The following EYA1 variants were observed in gnomAD, a reference collection of about 807,000 sequenced individuals.
EYA1 encodes EYA transcriptional coactivator and phosphatase 1.
EYA1 carries 16 observed loss-of-function variants against 82.0 expected under a neutral mutation model. That is an observed-to-expected ratio of 0.20 (90% CI 0.13 to 0.30). The LOEUF (loss-of-function observed/expected upper bound fraction) is 0.30. EYA1 is among the 10% of genes least tolerant of loss of function. EYA1 has a pLI of 1.00. For synonymous variants in EYA1, 261 were observed against 264.4 expected (o/e 0.99, Z 0.12); for missense variants, 633 against 730.7 (o/e 0.87, Z 1.54).
intron 2 of EYA1, among the ~76,000 whole-genome samples, chr8:71,370,653 A>G (rs1011536972): frequency 2.4e-4 from 37 of 152,070 alleles, no homozygotes; most frequent in Middle Eastern, 3.4e-3. Context: ...GCAGGGTCTC[A>G]CTCTGTCACC....
intron 2 of EYA1, chr8:71,403,417 G>A (rs1018540617): frequency 6.6e-6 from 1 of 152,182 alleles, no homozygotes; most frequent in Admixed American, 6.5e-5. Flanking sequence ...GATGCTGGTG[G>A]AGGTGAAAAA....
intron 2 of EYA1, among the ~76,000 whole-genome samples, chr8:71,526,877 G>A (rs1365659815): frequency 6.6e-6 from 1 of 152,158 alleles, no homozygotes; most frequent in East Asian, 1.9e-4. Flanking sequence ...CTTAAAGGGA[G>A]GAGTATCAAA....
At chr8:71,293,401 CAG>C (rs1819215832) in intron 9 of EYA1, among the ~76,000 whole-genome samples, 1 of 151,960 alleles carries the variant, frequency 6.6e-6, no homozygotes, top group South Asian at 2.1e-4. Context: ...TTCCAGAAAA[CAG>C]AAGCAGAGGG....
rs182773682 is a variant in EYA1 at position 71,338,741 on chromosome 8, G to A, written c.125-4567C>T. Among the ~76,000 whole-genome samples, 304 of 152,336 alleles carry A rather than the reference G, an allele frequency of 2.0e-3. 2 individuals are homozygous for A. Among genetic ancestry groups the A allele is most frequent in the South Asian group, 0.017 (82 of 4,824 alleles). Reference sequence around the variant, plus strand: ...AAAGCAAGTTCACCCACAAAGGACAGTACTGCCTGCTGGACTAGGAGCCAG... The same window carrying A: ...AAAGCAAGTTCACCCACAAAGGACAATACTGCCTGCTGGACTAGGAGCCAG... On this transcript the variant is annotated intron_variant, in intron 3 of 17. Transcript: ENST00000340726.
intron 3 of EYA1, among the ~76,000 whole-genome samples, chr8:71,342,211 G>C (rs1825216058): frequency 6.6e-6 from 1 of 152,054 alleles, no homozygotes. Flanking sequence ...ATATTCAGTG[G>C]CTTCTCTACC....
chr8:71,408,599 A>G (rs371953815), intron 2 of EYA1, among the ~76,000 whole-genome samples: 2 of 92,672 alleles, frequency 2.2e-5, no homozygotes, highest in East Asian at 2.4e-4. Context: ...CAGACTTTAA[A>G]CCAACAAAGA....
chr8:71,232,945 G>C (rs186049645), intron 12 of EYA1, among the ~76,000 whole-genome samples: 6 of 152,240 alleles, frequency 3.9e-5, no homozygotes, highest in Admixed American at 2.6e-4. Flanking sequence ...TTTAACTCAC[G>C]CAATTCTCAC....
chr8:71,412,542 A>T (rs1194400187), intron 2 of EYA1, among the ~76,000 whole-genome samples: 1 of 152,178 alleles, frequency 6.6e-6, no homozygotes, highest in African/African-American at 2.4e-5. Flanking sequence ...GGATAAAATA[A>T]TATGATGTCT....
chr8:71,506,020 T>C, intron 2 of EYA1, among the ~76,000 whole-genome samples: 1 of 152,192 alleles, frequency 6.6e-6, no homozygotes, highest in Non-Finnish European at 1.5e-5. Context: ...AGATGGTACC[T>C]GCTTCCCCTT....
At chr8:71,529,495 T>C (rs1268114061) in intron 2 of EYA1, 1 of 152,184 alleles carries the variant, frequency 6.6e-6, no homozygotes, top group African/African-American at 2.4e-5. Context: ...TGCAAAATGA[T>C]GAGGTAGGAT....
intron 2 of EYA1, among the ~76,000 whole-genome samples, chr8:71,525,011 C>T (rs531169007): frequency 6.6e-6 from 1 of 152,294 alleles, no homozygotes; most frequent in East Asian, 1.9e-4. Flanking sequence ...TATGTTACTA[C>T]ATTGCTTACT....
intron 2 of EYA1, among the ~76,000 whole-genome samples, chr8:71,402,566 C>T (rs1830014771): frequency 6.6e-6 from 1 of 152,054 alleles, no homozygotes; most frequent in African/African-American, 2.4e-5. Flanking sequence ...TAATTCAAAG[C>T]AAAGTGTATT....
intron 2 of EYA1, among the ~76,000 whole-genome samples, chr8:71,444,332 CAG>C (rs1195794840): frequency 2.6e-5 from 4 of 152,266 alleles, no homozygotes; most frequent in African/African-American, 7.2e-5. Flanking sequence ...TGTGGGGACA[CAG>C]ATATAGAAAA....
At chr8:71,242,658 T>C (rs1197508179) in intron 12 of EYA1, among the ~76,000 whole-genome samples, 1 of 152,156 alleles carries the variant, frequency 6.6e-6, no homozygotes, top group Admixed American at 6.5e-5. Context: ...AATCTGATTA[T>C]ACTACATTGA....
intron 17 of EYA1, among the ~76,000 whole-genome samples, chr8:71,201,824 A>G (rs553888065): frequency 6.6e-6 from 1 of 152,154 alleles, no homozygotes; most frequent in African/African-American, 2.4e-5. Context: ...TTAACCACCT[A>G]CTTGGTATCT....
At chr8:71,310,917 T>C (rs1224972279) in intron 7 of EYA1, among the ~76,000 whole-genome samples, 1 of 152,074 alleles carries the variant, frequency 6.6e-6, no homozygotes, top group African/African-American at 2.4e-5. Context: ...CCTTTAATAG[T>C]CTAGAATCAC....
At chr8:71,205,649 A>T (rs1430174441) in intron 17 of EYA1, among the ~76,000 whole-genome samples, 5 of 152,206 alleles carry the variant, frequency 3.3e-5, no homozygotes, top group Non-Finnish European at 7.3e-5. Context: ...TAAATTACTG[A>T]TGAAAGCCCT....
chr8:71,464,671 A>G (rs1440149332), intron 2 of EYA1, among the ~76,000 whole-genome samples: 1 of 152,252 alleles, frequency 6.6e-6, no homozygotes, highest in Admixed American at 6.5e-5. Context: ...AATACAACTT[A>G]TTAATATAAT....
chr8:71,304,177 C>A (rs1309949417), intron 7 of EYA1, among the ~76,000 whole-genome samples: 1 of 142,228 alleles, frequency 7.0e-6, no homozygotes, highest in African/African-American at 2.5e-5. Flanking sequence ...AATACTTAAA[C>A]ATTTTTGAGT....
Sources: gnomAD v4.1 joint callset for allele counts (sites outside exome capture counted in the v4.1 genomes callset) on GRCh38, gnomAD v4.1.1 for gene constraint, MANE v1.5 for transcripts, NCBI Gene and HGNC (gene_info 2026-07-23, HGNC 2026-07-21) for gene names.